ZNF680: variants seen among roughly 807,000 people sequenced by gnomAD.
The protein encoded by ZNF680 is zinc finger protein 680.
Under a neutral mutation model 12.1 loss-of-function variants are expected in ZNF680, and 6 were observed. That is an observed-to-expected ratio of 0.49 (90% CI 0.27 to 0.98). The LOEUF (loss-of-function observed/expected upper bound fraction) is 0.98. Ranked by LOEUF, ZNF680 falls within the 50% of genes least tolerant of loss-of-function variation. The pLI, the probability that ZNF680 is intolerant of heterozygous loss-of-function variation, is 0.12. For missense variants in ZNF680, 561 were observed against 616.3 expected (o/e 0.91, Z 0.95); for synonymous variants, 170 against 199.3 (o/e 0.85, Z 1.24).
intron 1 of ZNF680, among the ~76,000 whole-genome samples, chr7:64,555,128 A>T (rs192471286): frequency 1.3e-5 from 2 of 152,334 alleles, no homozygotes; most frequent in African/African-American, 4.8e-5. Context: ...TAGGGCAGAA[A>T]ATTTACAAAT....
At chr7:64,501,469 T>G in the ZNF680 span, 2 of 886,782 alleles carry the variant, frequency 2.3e-6, no homozygotes, top group East Asian at 5.2e-5. Context: ...CCTGGAAAAA[T>G]TTAAAAGGAA....
chr7:64,501,216 T>C, the ZNF680 span: 4 of 865,130 alleles, frequency 4.6e-6, no homozygotes, highest in Non-Finnish European at 7.9e-6. Context: ...AACGGGATTA[T>C]TGTGAAAGGA....
At chr7:64,528,076 G>A (rs990839874) in intron 3 of ZNF680, among the ~76,000 whole-genome samples, 2 of 152,076 alleles carry the variant, frequency 1.3e-5, no homozygotes, top group African/African-American at 2.4e-5. Flanking sequence ...AGAAGATGCC[G>A]ACCTTACCTG....
rs1791492344 is a variant in ZNF680, at chr7:64,520,885, G to A, written c.*276C>T. The stretch of plus-strand genomic sequence containing the variant: ...ATTGCATTTATAATGCTTTTAATAA[G>A]TATAAACTCTGGTGTTGAGTAAGAT... On this transcript the variant is annotated 3_prime_UTR_variant, in exon 4 of 4. Transcript: ENST00000309683. The A allele has an allele frequency of 3.2e-6, 1 of 314,682 alleles. No homozygotes were observed. Among genetic ancestry groups the A allele is most frequent in the Non-Finnish European group, 5.8e-6 (1 of 171,884 alleles). 19.5% of individuals were successfully genotyped at this position (314,682 alleles called of 1,614,324 possible).
In ZNF680 at chr7:64,521,322, C is replaced by G; in HGVS notation, c.1432G>C (p.Ala478Pro). 6.3e-7 allele frequency: 1 copy of G among 1,590,078 alleles called. No individual in the cohort carries two copies. Among genetic ancestry groups the G allele is most frequent in the South Asian group, 1.1e-5 (1 of 88,892 alleles). Reference protein sequence around the residue: ...GNVFNWPATLANHKRIHAREK... With the variant: ...GNVFNWPATLPNHKRIHAREK... ...CTAGCATGAATTCTCTTATGATTAG[C>G]AAGAGTTGCAGGCCAGTTAAAAACA... The change falls in exon 4 of 4, where the codon GCT becomes CCT. Residue 478 changes from alanine (A) to proline (P), a missense_variant. Ala to Pro is a conservative substitution (Grantham distance 27). Transcript: ENST00000309683.
chr7:64,549,111 C>A (rs1258029990), intron 1 of ZNF680, among the ~76,000 whole-genome samples: 1 of 149,208 alleles, frequency 6.7e-6, no homozygotes, highest in Admixed American at 6.7e-5. Flanking sequence ...TAGGGTGAGA[C>A]TCCGCCTCAA....
At chr7:64,550,658 C>G (rs1787028092) in intron 1 of ZNF680, among the ~76,000 whole-genome samples, 1 of 152,200 alleles carries the variant, frequency 6.6e-6, no homozygotes. Flanking sequence ...AGAATCATTG[C>G]AAGAGGTAAA....
intron 3 of ZNF680, among the ~76,000 whole-genome samples, chr7:64,541,757 C>T (rs981287739): frequency 6.6e-6 from 1 of 152,188 alleles, no homozygotes; most frequent in African/African-American, 2.4e-5. Flanking sequence ...CTCCTCCCAG[C>T]CACAGTCTGG....
chr7:64,546,327 T>C (rs1367271734), intron 1 of ZNF680, among the ~76,000 whole-genome samples: 1 of 152,154 alleles, frequency 6.6e-6, no homozygotes, highest in Non-Finnish European at 1.5e-5. Flanking sequence ...CACCCCCTGT[T>C]TACCTGCTAC....
chr7:64,553,693 C>G (rs1423789920), intron 1 of ZNF680, among the ~76,000 whole-genome samples: 1 of 152,246 alleles, frequency 6.6e-6, no homozygotes, highest in Non-Finnish European at 1.5e-5. Context: ...CTGCCTGATT[C>G]TCCTGCCTCA....
chr7:64,502,310 C>T, the ZNF680 span, among the ~76,000 whole-genome samples: 1 of 152,010 alleles, frequency 6.6e-6, no homozygotes, highest in African/African-American at 2.4e-5. Context: ...CTTGCCCGGC[C>T]GGATTTACGG....
intron 1 of ZNF680, among the ~76,000 whole-genome samples, chr7:64,546,204 G>A (rs1009524046): frequency 6.6e-6 from 1 of 152,050 alleles, no homozygotes; most frequent in African/African-American, 2.4e-5. Flanking sequence ...ACAGGTTTAA[G>A]TAAAAAAAAG....
intron 3 of ZNF680, chr7:64,526,583 C>G (rs1791859386): frequency 5.1e-6 from 2 of 391,732 alleles, no homozygotes; most frequent in South Asian, 1.6e-4. Flanking sequence ...TGATGCTGGA[C>G]AGCATCATAA....
chr7:64,506,070 TAC>T, the ZNF680 span, among the ~76,000 whole-genome samples: 9 of 152,116 alleles, frequency 5.9e-5, no homozygotes, highest in Admixed American at 2.0e-4. Context: ...ACACCACAGT[TAC>T]AGTTTTTTTA....
chr7:64,504,706 A>C, the ZNF680 span, among the ~76,000 whole-genome samples: 6 of 152,214 alleles, frequency 3.9e-5, no homozygotes, highest in East Asian at 1.2e-3. Context: ...ACACAGAAAA[A>C]GGTGCCAAGA....
chr7:64,519,548 C>T (rs1791428366), downstream of ZNF680, among the ~76,000 whole-genome samples: 1 of 151,716 alleles, frequency 6.6e-6, no homozygotes, highest in African/African-American at 2.4e-5. Context: ...CGTTTATAGT[C>T]TATGTGCCTA....
chr7:64,551,973 A>G (rs1036637063), intron 1 of ZNF680: 5 of 152,258 alleles, frequency 3.3e-5, no homozygotes, highest in Non-Finnish European at 7.3e-5. Flanking sequence ...GCAGAATTTT[A>G]TAAGATTCCT....
chr7:64,559,719 T>C (rs1046308141), intron 1 of ZNF680, among the ~76,000 whole-genome samples: 2 of 152,164 alleles, frequency 1.3e-5, no homozygotes, highest in African/African-American at 4.8e-5. Flanking sequence ...TCACCTCAAG[T>C]GATCCACCCA....
rs1476198110 is a variant in ZNF680 at position 64,521,826 on chromosome 7, T to G, written c.928A>C (p.Thr310Pro). The G allele has an allele frequency of 6.2e-7, 1 of 1,613,490 alleles. No homozygotes were observed. Among genetic ancestry groups the G allele is most frequent in the Non-Finnish European group, 8.5e-7 (1 of 1,179,710 alleles). The part of the protein sequence containing the change: ...HKAFNWFATL[T>P]NHKRIHTGEK... ...CCAGTATGAATTCTCTTATGGTTAG[T>G]AAGGGTTGCAAACCAGTTAAAGGCT... Residue 310 changes from threonine to proline, a missense_variant, in exon 4 of 4, where the codon ACT becomes CCT. Coordinates refer to ENST00000309683, the MANE Select transcript of ZNF680 (RefSeq NM_178558.5).
Sources: gnomAD v4.1 joint callset for allele counts (sites outside exome capture counted in the v4.1 genomes callset) on GRCh38, gnomAD v4.1.1 for gene constraint, MANE v1.5 for transcripts, NCBI Gene and HGNC (gene_info 2026-07-23, HGNC 2026-07-21) for gene names.